Variants in TSN observed in about 807,000 individuals in gnomAD.
TSN encodes component 3 of promoter of RISC.
In TSN, 5 loss-of-function variants were observed where a neutral mutation model predicts 29.4. That is an observed-to-expected ratio of 0.17 (90% CI 0.09 to 0.36). TSN has a LOEUF of 0.36. Ranked by LOEUF, TSN falls within the 10% of genes least tolerant of loss-of-function variation. The probability of loss-of-function intolerance (pLI) is 1.00; values close to 1 mark genes in which losing one functional copy is unlikely to be tolerated. For synonymous variants in TSN, 106 were observed against 102.2 expected, an observed-to-expected ratio of 1.04 and a Z score of -0.23; for missense variants, 159 against 272.8, an observed-to-expected ratio of 0.58 and a Z score of 2.94.
intron 1 of TSN, 75 bp downstream of exon 1, chr2:121,755,920 C>T: frequency 1.9e-6 from 3 of 1,602,432 alleles, no homozygotes; most frequent in Non-Finnish European, 2.6e-6. Context: ...CCTCCTCTGT[C>T]GCTCAGTCTC....
chr2:121,757,593 G>T, intron 2 of TSN: 1 of 541,278 alleles, frequency 1.8e-6, no homozygotes, highest in Non-Finnish European at 3.1e-6. Context: ...GAAAAAAAAA[G>T]TGCAGCTCTC....
intron 3 of TSN, 126 bp downstream of exon 3, chr2:121,758,932 C>G (rs1249021125): frequency 1.8e-6 from 1 of 551,822 alleles, no homozygotes. Flanking sequence ...GAGAAAAAAC[C>G]GAACTAATAA....
In TSN at chr2:121,765,437, T is replaced by C; in HGVS notation, c.*70T>C. 7.2e-7 allele frequency: 1 copy of C among 1,394,882 alleles called. No individual in the cohort carries two copies. Among genetic ancestry groups the C allele is most frequent in the African/African-American group, 1.4e-5 (1 of 70,124 alleles). 86.4% of individuals were successfully genotyped at this position (1,394,882 alleles called of 1,614,324 possible). ...GGAAGGGGTGAGCACAGAGTGCCTC[T>C]TACGGTAGTTAGGATGCTCAGTTGC... On this transcript the variant is annotated 3_prime_UTR_variant, in exon 6 of 6. Coordinates refer to ENST00000389682, the MANE Select transcript of TSN (RefSeq NM_004622.3).
chr2:121,756,814 C>T (rs1242674140), intron 1 of TSN: 2 of 314,002 alleles, frequency 6.4e-6, no homozygotes, highest in Non-Finnish European at 1.2e-5. Context: ...GAGGCTGAAG[C>T]AGGAGAATGG....
At position 121,755,758 on chromosome 2, in the gene TSN, T is replaced by G; in HGVS notation, c.-22T>G. ...CCTTGGCCGCCCTTGCTACACTGGC[T>G]GATTGTTGTGCAGCCGGCGCCATGT... On this transcript the variant is annotated 5_prime_UTR_variant, in exon 1 of 6. Transcript: ENST00000389682. 6.2e-7 allele frequency: 1 copy of G among 1,607,712 alleles called. No homozygotes were observed. Among genetic ancestry groups the G allele is most frequent in the Non-Finnish European group, 8.5e-7 (1 of 1,179,980 alleles).
intron 4 of TSN, among the ~76,000 whole-genome samples, chr2:121,762,651 C>T (rs548528494): frequency 3.9e-5 from 6 of 152,202 alleles, no homozygotes; most frequent in South Asian, 2.1e-4. Context: ...TTTGCTACAT[C>T]TGCTTAATCT....
intron 3 of TSN, among the ~76,000 whole-genome samples, chr2:121,760,430 G>T (rs968448333): frequency 1.3e-5 from 2 of 152,096 alleles, no homozygotes; most frequent in Non-Finnish European, 2.9e-5. Flanking sequence ...GAACAGGTGG[G>T]GTCTTTAGAG....
At chr2:121,758,396 ATCC>A (rs2074778237) in intron 2 of TSN, among the ~76,000 whole-genome samples, 1 of 152,212 alleles carries the variant, frequency 6.6e-6, no homozygotes, top group South Asian at 2.1e-4. Flanking sequence ...AATTTTAGGC[ATCC>A]TCTGAGGAGT....
At position 121,761,480 on chromosome 2, in the gene TSN, C is replaced by T; in HGVS notation, c.329C>T (p.Thr110Ile). 1.2e-6 allele frequency: 2 copies of T among 1,614,108 alleles called. No homozygotes were observed. The highest frequency in any genetic ancestry group is 1.7e-6 in the Non-Finnish European group (2 of 1,180,006). The stretch of plus-strand genomic sequence containing the variant: ...GCAGCATTTGTTGTGTATTTGGAAA[C>T]AGAAACACTAGTGACTCGAGAAGCA... ...FLAAFVVYLETETLVTREAVT... is the reference protein window; with the variant it reads ...FLAAFVVYLEIETLVTREAVT... Residue 110 changes from threonine to isoleucine, a missense_variant, in exon 4 of 6, where the codon ACA becomes ATA. Coordinates refer to ENST00000389682, the MANE Select transcript of TSN (RefSeq NM_004622.3).
intron 3 of TSN, among the ~76,000 whole-genome samples, chr2:121,760,730 G>A (rs1464026709): frequency 6.6e-6 from 1 of 152,078 alleles, no homozygotes; most frequent in Non-Finnish European, 1.5e-5. Flanking sequence ...ATACGTTGAG[G>A]ATGATACATA....
At chr2:121,760,958 C>T (rs1558691545) in intron 3 of TSN, among the ~76,000 whole-genome samples, 1 of 151,390 alleles carries the variant, frequency 6.6e-6, no homozygotes. Context: ...CAACCTCTGC[C>T]TCCCAGGTTC....
chr2:121,763,347 G>C (rs929249511), intron 5 of TSN, among the ~76,000 whole-genome samples: 1 of 151,788 alleles, frequency 6.6e-6, no homozygotes, highest in Non-Finnish European at 1.5e-5. Context: ...GGGTTTCACC[G>C]TGTTAGCCAG....
rs1558692548 is a variant in TSN at position 121,763,070 on chromosome 2, C to T, written c.439C>T (p.Leu147Phe). ...AGATTATCTCTCAGGAGTTCTAATT[C>T]TTGCCAGTGAACTGGTAAGCTCAGT... The part of the protein sequence containing the change: ...VEDYLSGVLI[L>F]ASELSRLSVN... The change falls in exon 5 of 6, where the codon CTT becomes TTT. Residue 147 changes from leucine to phenylalanine, a missense_variant. Leu to Phe is a conservative substitution (Grantham distance 22). This residue lies in a region of TSN where 85 missense variants were observed against 178.1 expected (regional missense o/e 0.48). Coordinates refer to ENST00000389682, the MANE Select transcript of TSN (RefSeq NM_004622.3). The T allele has an allele frequency of 6.2e-7, 1 of 1,603,732 alleles. No individual in the cohort carries two copies. Among genetic ancestry groups the T allele is most frequent in the African/African-American group, 1.4e-5 (1 of 73,682 alleles).
Position 121,755,727 on chromosome 2 carries a change from C to T in TSN, c.-53C>T, listed in dbSNP as rs1032685463. 6.2e-7 allele frequency: 1 copy of T among 1,607,388 alleles called. No individual in the cohort carries two copies. The highest frequency in any genetic ancestry group is 1.3e-5 in the African/African-American group (1 of 74,870). Reference sequence around the variant, plus strand: ...TGATTGCGCTGGTTGCCTGCGGCGTCCACTTCCTTGGCCGCCCTTGCTACA... The same window carrying T: ...TGATTGCGCTGGTTGCCTGCGGCGTTCACTTCCTTGGCCGCCCTTGCTACA... On this transcript the variant is annotated 5_prime_UTR_variant, in exon 1 of 6. Transcript: ENST00000389682.
intron 4 of TSN, among the ~76,000 whole-genome samples, chr2:121,762,425 GC>G (rs1323185012): frequency 6.6e-6 from 1 of 152,204 alleles, no homozygotes; most frequent in East Asian, 1.9e-4. Context: ...ACCACGCCTG[GC>G]CTTTTCCCAA....
chr2:121,758,856 G>T (rs760711463), intron 3 of TSN, 50 bp downstream of exon 3: 3 of 1,258,366 alleles, frequency 2.4e-6, no homozygotes, highest in Admixed American at 5.2e-5. Context: ...AAAAAAAGGA[G>T]AAAAATTATG....
chr2:121,756,079 G>C (rs1342035084), intron 1 of TSN: 14 of 863,424 alleles, frequency 1.6e-5, no homozygotes, highest in Non-Finnish European at 2.2e-5. Flanking sequence ...GTTTGTGTCA[G>C]TTTTCCTTCT....
intron 3 of TSN, among the ~76,000 whole-genome samples, 158 bp from the exon 4 acceptor site, chr2:121,761,251 A>C (rs1415701689): frequency 1.3e-5 from 2 of 152,248 alleles, no homozygotes; most frequent in Non-Finnish European, 2.9e-5. Flanking sequence ...TTGTAAAATT[A>C]ATGCTAAATG....
intron 5 of TSN, 77 bp downstream of exon 5, chr2:121,763,161 G>A: frequency 2.3e-6 from 1 of 434,514 alleles, no homozygotes; most frequent in Non-Finnish European, 3.1e-6. Flanking sequence ...TTTTTTTTTT[G>A]AGACAGAGTC....
Sources: allele counts gnomAD v4.1 joint callset (sites outside exome capture counted in the v4.1 genomes callset), GRCh38; gene constraint gnomAD v4.1.1; regional missense constraint gnomAD v4.1.1; transcripts MANE v1.5; gene names NCBI Gene and HGNC (gene_info 2026-07-23, HGNC 2026-07-21).